The following USP24 variants were observed in gnomAD, a reference collection of about 807,000 sequenced individuals.
USP24 encodes ubiquitin carboxyl-terminal hydrolase 24.
USP24 carries 97 observed loss-of-function variants against 361.6 expected under a neutral mutation model. That is an observed-to-expected ratio of 0.27 (90% CI 0.23 to 0.32). The LOEUF (loss-of-function observed/expected upper bound fraction) is 0.32. Ranked by LOEUF, USP24 falls within the 10% of genes least tolerant of loss-of-function variation. The pLI, the probability that USP24 is intolerant of heterozygous loss-of-function variation, is 1.00. For missense variants in USP24, 2,353 were observed against 3,165.6 expected (o/e 0.74, Z 6.16); for synonymous variants, 1,098 against 1,124.6 (o/e 0.98, Z 0.47).
At chr1:55,115,495 C>CAAAAAAAAAAAAAAAAA (rs1165658382) in intron 38 of USP24, among the ~76,000 whole-genome samples, 2 of 45,844 alleles carry the variant, frequency 4.4e-5, no homozygotes, top group African/African-American at 1.4e-4. Context: ...GACTCCGCCT[C>CAAAAAAAAAAAAAAAAA]AAAAAAAAAA....
intron 61 of USP24, 44 bp downstream of exon 61, chr1:55,078,494 A>G: frequency 6.6e-7 from 1 of 1,508,864 alleles, no homozygotes; most frequent in Non-Finnish European, 9.0e-7. Flanking sequence ...CTAGAGTCTC[A>G]CTTAAAGGCT....
chr1:55,134,237 T>C (rs1238825773), intron 29 of USP24, 74 bp from the exon 30 acceptor site: 1 of 1,564,058 alleles, frequency 6.4e-7, no homozygotes, highest in African/African-American at 1.4e-5. Flanking sequence ...GTATGGAATA[T>C]AAAATAAAAT....
chr1:55,127,785 T>C (rs1028353186), intron 32 of USP24, among the ~76,000 whole-genome samples: 10 of 152,208 alleles, frequency 6.6e-5, no homozygotes, highest in African/African-American at 2.4e-4. Context: ...TGGTATCTCA[T>C]TGTGGTTTTG....
At chr1:55,144,251 G>A (rs765816699) in intron 20 of USP24, 48 bp from the exon 21 acceptor site, 3 of 1,265,834 alleles carry the variant, frequency 2.4e-6, no homozygotes, top group Non-Finnish European at 1.1e-6. Flanking sequence ...ACGTAACACA[G>A]ATAATCAATG....
intron 1 of USP24, among the ~76,000 whole-genome samples, chr1:55,210,811 A>C (rs192337542): frequency 2.6e-5 from 4 of 152,328 alleles, no homozygotes; most frequent in Admixed American, 2.6e-4. Flanking sequence ...CAAAACAAGG[A>C]GTTCACAATG....
At chr1:55,159,921 T>C (rs1648097828) in intron 8 of USP24, among the ~76,000 whole-genome samples, 1 of 152,248 alleles carries the variant, frequency 6.6e-6, no homozygotes. Context: ...GTCATTACTA[T>C]CTTATAAAGG....
rs748058365 is a variant in USP24, at chr1:55,079,651, T to C, written c.7087A>G (p.Ile2363Val). The C allele has an allele frequency of 2.0e-5, 30 of 1,536,714 alleles. No individual in the cohort carries two copies. The East Asian group carries it at 7.1e-4, about 36-fold the overall frequency. Reference protein sequence around the residue: ...VSSQRNVAPGIFKQRPPISIA... With the variant: ...VSSQRNVAPGVFKQRPPISIA... ...CTAATGGGTGGTCGTTGCTTAAATATGCCAGGAGCTTTAGGAGACCAAAGA... is the reference window on the plus strand; with the variant it reads ...CTAATGGGTGGTCGTTGCTTAAATACGCCAGGAGCTTTAGGAGACCAAAGA... Residue 2363 changes from isoleucine to valine, a missense_variant, in exon 60 of 68, where the codon ATA (isoleucine) becomes GTA (valine). Around this residue, in one of 8 missense-constraint regions of USP24, gnomAD observed 598 missense variants for 761.9 expected, o/e 0.78. Transcript: ENST00000294383.
At chr1:55,197,140 C>T (rs566582218) in intron 1 of USP24, among the ~76,000 whole-genome samples, 1 of 152,170 alleles carries the variant, frequency 6.6e-6, no homozygotes, top group Non-Finnish European at 1.5e-5. Context: ...CCTCAGATAA[C>T]CACAGTTGGC....
intron 1 of USP24, among the ~76,000 whole-genome samples, chr1:55,188,191 T>C (rs1473355498): frequency 6.6e-6 from 1 of 152,118 alleles, no homozygotes. Context: ...TTTCAACAAA[T>C]GGTGCTGAGA....
At chr1:55,111,912 G>A (rs991290865) in intron 38 of USP24, among the ~76,000 whole-genome samples, 1 of 152,046 alleles carries the variant, frequency 6.6e-6, no homozygotes, top group Admixed American at 6.5e-5. Flanking sequence ...ATATTAGAAA[G>A]TGCATGAGAA....
intron 1 of USP24, among the ~76,000 whole-genome samples, chr1:55,209,952 A>G (rs944662019): frequency 6.6e-6 from 1 of 152,214 alleles, no homozygotes; most frequent in Non-Finnish European, 1.5e-5. Context: ...GTATATGGAC[A>G]TATTTTTCTA....
intron 1 of USP24, among the ~76,000 whole-genome samples, chr1:55,188,896 G>T (rs892796812): frequency 1.4e-5 from 2 of 146,862 alleles, no homozygotes; most frequent in Admixed American, 1.4e-4. Flanking sequence ...GGAGGCGGAG[G>T]TTGTGGTGAG....
At chr1:55,123,715 G>T in intron 35 of USP24, 113 bp from the exon 36 acceptor site, 1 of 1,096,588 alleles carries the variant, frequency 9.1e-7, no homozygotes, top group South Asian at 2.7e-5. Flanking sequence ...CTTCAAGAAA[G>T]CACTTAGGTC....
At chr1:55,147,872 A>C in intron 17 of USP24, 74 bp from the exon 18 acceptor site, 2 of 1,502,506 alleles carry the variant, frequency 1.3e-6, no homozygotes, top group South Asian at 1.2e-5. Context: ...ACAAGCTGCT[A>C]TTTAAAGATG....
At position 55,166,621 on chromosome 1, in the gene USP24, C is replaced by G. The variant is rs1470479528; in HGVS notation, c.826-18G>C. The stretch of plus-strand genomic sequence containing the variant: ...TGAGGCTCCTATGAGAAAAGAAAAA[C>G]AAAATTGAGATGGCAATATAAAAGC... On this transcript the variant is annotated intron_variant, in intron 5 of 67. Coordinates refer to ENST00000294383, the MANE Select transcript of USP24 (RefSeq NM_015306.3). The G allele has an allele frequency of 6.3e-7, 1 of 1,581,216 alleles. No homozygotes were observed. The highest frequency in any genetic ancestry group is 2.3e-5 in the East Asian group (1 of 43,694).
Position 55,159,605 on chromosome 1 carries a change from A to AT in USP24, c.1068+5dup. ...TGGGGCCTATCTGGCTGGAGAAGGCATTTACCTTGTCTTTGAGGTCTTTCT... is the reference window on the plus strand; with the variant it reads ...TGGGGCCTATCTGGCTGGAGAAGGCATTTTACCTTGTCTTTGAGGTCTTTCT... On this transcript the variant is annotated splice_donor_region_variant and intron_variant, in intron 9 of 67. Coordinates refer to ENST00000294383, the MANE Select transcript of USP24 (RefSeq NM_015306.3). 6.4e-7 allele frequency: 1 copy of AT among 1,556,968 alleles called. No homozygotes were observed. The highest frequency in any genetic ancestry group is 8.7e-7 in the Non-Finnish European group (1 of 1,148,800).
At chr1:55,150,736 T>C (rs1647170533) in intron 16 of USP24, among the ~76,000 whole-genome samples, 1 of 152,254 alleles carries the variant, frequency 6.6e-6, no homozygotes, top group Admixed American at 6.5e-5. Flanking sequence ...AAGAATTATT[T>C]CTGATATAGC....
intron 31 of USP24, among the ~76,000 whole-genome samples, chr1:55,130,691 C>T (rs923015472): frequency 6.6e-6 from 1 of 152,160 alleles, no homozygotes; most frequent in Non-Finnish European, 1.5e-5. Flanking sequence ...ATATATATAG[C>T]TCTTCGTCTA....
rs1417709056 is a variant in USP24 at position 55,146,898 on chromosome 1, C to G, written c.2250+31G>C. On this transcript the variant is annotated intron_variant, in intron 19 of 67. Transcript: ENST00000294383. ...AAAGTGAAATATTTAAATATTTCTG[C>G]CTTACTTTATCCACAATACCACCTT... 1.9e-6 allele frequency: 3 copies of G among 1,607,236 alleles called. No homozygotes were observed. In the African/African-American group the frequency reaches 4.0e-5, roughly 22 times the overall value.
Sources: allele counts gnomAD v4.1 joint callset (sites outside exome capture counted in the v4.1 genomes callset), GRCh38; gene constraint gnomAD v4.1.1; regional missense constraint gnomAD v4.1.1; transcripts MANE v1.5; gene names NCBI Gene and HGNC (gene_info 2026-07-23, HGNC 2026-07-21).